MIPEP: variants seen among roughly 807,000 people sequenced by gnomAD.
MIPEP encodes the protein mitochondrial intermediate peptidase.
A neutral mutation model predicts 90.3 loss-of-function variants in MIPEP; 79 were observed. The observed-to-expected ratio is 0.87, with a 90% CI of 0.73 to 1.05. The LOEUF is 1.05. MIPEP is among the 50% of genes least tolerant of loss of function. The pLI is 0.00. For synonymous variants in MIPEP, 334 were observed against 315.8 expected (o/e 1.06, Z -0.61); for missense variants, 940 against 905.6 (o/e 1.04, Z -0.49).
At chr13:23,750,260 C>G (rs7987337) in intron 18 of MIPEP, among the ~76,000 whole-genome samples, 24,527 of 152,080 alleles carry the variant, frequency 0.16, 2,131 homozygotes, top group South Asian at 0.23. Flanking sequence ...TTAGCTCCAG[C>G]TACACTTTAG....
At chr13:23,828,329 G>C (rs1049965479) in intron 14 of MIPEP, among the ~76,000 whole-genome samples, 1 of 152,200 alleles carries the variant, frequency 6.6e-6, no homozygotes, top group Non-Finnish European at 1.5e-5. Context: ...GCTCTCATAA[G>C]TGGAGTAGAA....
chr13:23,859,335 AG>A (rs1870187495), intron 9 of MIPEP, among the ~76,000 whole-genome samples: 1 of 152,256 alleles, frequency 6.6e-6, no homozygotes. Flanking sequence ...AGCTTTGGGT[AG>A]ATATCAAAAA....
chr13:23,744,213 A>G (rs1428903069), intron 18 of MIPEP, among the ~76,000 whole-genome samples: 1 of 152,202 alleles, frequency 6.6e-6, no homozygotes, highest in African/African-American at 2.4e-5. Context: ...GCAATTACAT[A>G]CTAGTATATA....
At chr13:23,888,489 CCT>C (rs1382035700) in intron 1 of MIPEP, among the ~76,000 whole-genome samples, 4 of 152,132 alleles carry the variant, frequency 2.6e-5, no homozygotes, top group Non-Finnish European at 4.4e-5. Context: ...ACCTTGCCTT[CCT>C]CTCACCTTTC....
At chr13:23,761,986 G>T (rs181383017) in intron 16 of MIPEP, among the ~76,000 whole-genome samples, 1 of 152,076 alleles carries the variant, frequency 6.6e-6, no homozygotes, top group Non-Finnish European at 1.5e-5. Context: ...TTAGCCAGGC[G>T]TGGCGGCACA....
intron 16 of MIPEP, among the ~76,000 whole-genome samples, chr13:23,797,459 C>T (rs1952975468): frequency 6.6e-6 from 1 of 152,168 alleles, no homozygotes; most frequent in Non-Finnish European, 1.5e-5. Context: ...GAACGTCATC[C>T]CCACCCCCAC....
chr13:23,746,612 T>TGA (rs575558991), intron 18 of MIPEP, among the ~76,000 whole-genome samples: 3 of 132,530 alleles, frequency 2.3e-5, no homozygotes, highest in South Asian at 2.3e-4. Flanking sequence ...CCACCCTGGG[T>TGA]GAGAGAGAGA....
At position 23,845,922 on chromosome 13, in the gene MIPEP, A is replaced by AT. The variant is rs577515187; in HGVS notation, c.1107-4435dup. On this transcript the variant is annotated intron_variant, in intron 10 of 18. Transcript: ENST00000382172. ...TCTGGTGGTTTCTCTATTGTTTTTAATTTTTTTTTTTTTTGAGACGGAGTC... is the reference window on the plus strand; with the variant it reads ...TCTGGTGGTTTCTCTATTGTTTTTAATTTTTTTTTTTTTTTGAGACGGAGTC... Among the ~76,000 whole-genome samples, 828 of 136,778 alleles carry AT rather than the reference A, an allele frequency of 6.1e-3. 4 individuals carry two copies. Among genetic ancestry groups the AT allele is most frequent in the African/African-American group, 0.017 (619 of 37,466 alleles). 89.7% of individuals were successfully genotyped at this position (136,778 alleles called of 152,430 possible).
At chr13:23,846,760 T>C (rs970419371) in intron 10 of MIPEP, among the ~76,000 whole-genome samples, 1 of 152,182 alleles carries the variant, frequency 6.6e-6, no homozygotes, top group Non-Finnish European at 1.5e-5. Context: ...ATGCTTGACC[T>C]GTATTGCAAA....
chr13:23,850,531 A>G (rs1300823625), intron 10 of MIPEP, among the ~76,000 whole-genome samples: 1 of 152,248 alleles, frequency 6.6e-6, no homozygotes, highest in African/African-American at 2.4e-5. Context: ...TTAATGGTGC[A>G]GATCAGCAAC....
intron 14 of MIPEP, among the ~76,000 whole-genome samples, chr13:23,815,088 T>C (rs1953218053): frequency 1.3e-5 from 2 of 152,358 alleles, no homozygotes. Context: ...AGATACTGAA[T>C]AAATGGTAGC....
chr13:23,765,560 C>T (rs1475221885), intron 16 of MIPEP, among the ~76,000 whole-genome samples: 4 of 152,186 alleles, frequency 2.6e-5, no homozygotes, highest in Admixed American at 6.5e-5. Flanking sequence ...TGAGAATAAG[C>T]GGAGGACCCC....
chr13:23,735,267 G>A (rs1952249466), intron 18 of MIPEP, among the ~76,000 whole-genome samples: 2 of 152,038 alleles, frequency 1.3e-5, no homozygotes, highest in African/African-American at 4.8e-5. Flanking sequence ...TCTTGGCTTT[G>A]GAGCCCCCCT....
rs717777 is a variant in MIPEP at position 23,795,205 on chromosome 13, C to T, written c.1848+10745G>A. Among the ~76,000 whole-genome samples the T allele has an allele frequency of 0.029, 3,928 of 136,594 alleles. 406 individuals carry two copies. The East Asian group carries it at 0.37, about 13-fold the overall frequency. The allele number at this position is 136,594 out of a possible 152,430, so 89.6% of individuals were successfully genotyped here. ...ATAGGAGGAAACTTCTTCCCCAGGG[C>T]GAAGAAAAAAAAAAAGAATAGGAGG... On this transcript the variant is annotated intron_variant, in intron 16 of 18. Transcript: ENST00000382172.
chr13:23,762,719 T>C (rs976564566), intron 16 of MIPEP, among the ~76,000 whole-genome samples: 3 of 152,214 alleles, frequency 2.0e-5, no homozygotes, highest in African/African-American at 7.2e-5. Context: ...GCAGGGGCAC[T>C]TGCACGGCTA....
In MIPEP at chr13:23,775,109, C is replaced by CTGTGTGTGTGTG. The variant is rs57354012; in HGVS notation, c.1849-14904_1849-14893dup. ...TCACTGCACCCAGCCTATCAGTTCT[C>CTGTGTGTGTGTG]TGTGTGTGTGTGTGTGTGTGTGTGT... On this transcript the variant is annotated intron_variant, in intron 16 of 18. Coordinates refer to ENST00000382172, the MANE Select transcript of MIPEP (RefSeq NM_005932.4). 1.3e-3 allele frequency among the ~76,000 whole-genome samples: 196 copies of CTGTGTGTGTGTG among 149,164 alleles called. 2 individuals are homozygous for CTGTGTGTGTGTG. The highest frequency in any genetic ancestry group is 8.0e-3 in the South Asian group (37 of 4,604).
intron 16 of MIPEP, among the ~76,000 whole-genome samples, 199 bp downstream of exon 16, chr13:23,805,751 A>G (rs547393924): frequency 1.7e-3 from 256 of 152,356 alleles, no homozygotes; most frequent in African/African-American, 5.4e-3. Flanking sequence ...AAACACTGTT[A>G]GAGGGAGGAA....
chr13:23,757,598 A>G (rs1035663399), intron 17 of MIPEP, among the ~76,000 whole-genome samples: 3 of 152,202 alleles, frequency 2.0e-5, no homozygotes, highest in African/African-American at 7.2e-5. Flanking sequence ...CTGGCAGGAA[A>G]AGGTTAATTA....
chr13:23,860,770 G>A (rs772019444), intron 9 of MIPEP, among the ~76,000 whole-genome samples: 5 of 152,132 alleles, frequency 3.3e-5, no homozygotes, highest in Non-Finnish European at 5.9e-5. Context: ...AATCCAAGAC[G>A]GCTTCGAGTG....
Sources: allele counts gnomAD v4.1 joint callset (sites outside exome capture counted in the v4.1 genomes callset), GRCh38; gene constraint gnomAD v4.1.1; transcripts MANE v1.5; gene names NCBI Gene and HGNC (gene_info 2026-07-23, HGNC 2026-07-21).